NRXN3: variants seen among roughly 807,000 people sequenced by gnomAD.
The protein encoded by NRXN3 is neurexin 3.
In NRXN3, 32 loss-of-function variants were observed where a neutral mutation model predicts 137.6. The observed-to-expected ratio is 0.23, with a 90% CI of 0.18 to 0.31. NRXN3 has a LOEUF of 0.31. Among genes scored for constraint, NRXN3 ranks in the 10% least tolerant of loss-of-function variants. The pLI, the probability that NRXN3 is intolerant of heterozygous loss-of-function variation, is 1.00. For synonymous variants in NRXN3, 798 were observed against 784.5 expected (o/e 1.02, Z -0.29); for missense variants, 1,574 against 2,062.5 (o/e 0.76, Z 4.59).
At chr14:78,586,992 A>G (rs893914466) in intron 4 of NRXN3, among the ~76,000 whole-genome samples, 7 of 152,124 alleles carry the variant, frequency 4.6e-5, no homozygotes, top group African/African-American at 1.7e-4. Context: ...GGCCCGGGAC[A>G]TTTTCTCCCA....
intron 15 of NRXN3, among the ~76,000 whole-genome samples, chr14:79,050,868 G>A (rs372582268): frequency 1.4e-4 from 21 of 152,170 alleles, no homozygotes; most frequent in Admixed American, 2.0e-4. Flanking sequence ...CACTTCATTT[G>A]GGTATGGGAT....
At chr14:79,375,082 G>A (rs971798002) in intron 15 of NRXN3, among the ~76,000 whole-genome samples, 2 of 152,076 alleles carry the variant, frequency 1.3e-5, no homozygotes, top group African/African-American at 4.8e-5. Flanking sequence ...TTAAAAAATG[G>A]ATGTGAGCTC....
At chr14:78,818,151 A>G (rs538188736) in intron 10 of NRXN3, among the ~76,000 whole-genome samples, 74 of 151,886 alleles carry the variant, frequency 4.9e-4, no homozygotes, top group South Asian at 6.2e-4. Context: ...GTTTAGATAT[A>G]TAAAGTTAGT....
At chr14:79,188,466 A>G (rs1375427601) in intron 15 of NRXN3, among the ~76,000 whole-genome samples, 3 of 152,026 alleles carry the variant, frequency 2.0e-5, no homozygotes, top group Admixed American at 6.6e-5. Flanking sequence ...CAGTCTTTAT[A>G]GCAAGGTTTT....
chr14:79,062,233 G>A (rs1380028591), intron 15 of NRXN3, among the ~76,000 whole-genome samples: 1 of 152,034 alleles, frequency 6.6e-6, no homozygotes, highest in Non-Finnish European at 1.5e-5. Context: ...TGGTTCCTAC[G>A]GGACCCAGGC....
At chr14:79,439,235 AC>A (rs2095892648) in intron 15 of NRXN3, among the ~76,000 whole-genome samples, 1 of 152,260 alleles carries the variant, frequency 6.6e-6, no homozygotes, top group Admixed American at 6.5e-5. Flanking sequence ...CATTGTACTT[AC>A]AAGATAAACT....
intron 16 of NRXN3, among the ~76,000 whole-genome samples, chr14:79,480,118 G>A (rs994969335): frequency 6.6e-6 from 1 of 152,098 alleles, no homozygotes; most frequent in South Asian, 2.1e-4. Context: ...CAGCGACCAT[G>A]GCCTGTCATC....
chr14:78,574,490 C>G (rs1251022796), intron 4 of NRXN3, among the ~76,000 whole-genome samples: 1 of 152,236 alleles, frequency 6.6e-6, no homozygotes, highest in Non-Finnish European at 1.5e-5. Flanking sequence ...CCACCTCTTG[C>G]ATCAGCATGC....
chr14:79,482,063 C>T (rs552868213), intron 16 of NRXN3, among the ~76,000 whole-genome samples: 10 of 152,228 alleles, frequency 6.6e-5, no homozygotes, highest in Admixed American at 6.5e-4. Flanking sequence ...ATCTTGTGAC[C>T]TCCGGAATAA....
chr14:78,789,540 A>G (rs2098799157), intron 8 of NRXN3, among the ~76,000 whole-genome samples: 1 of 152,074 alleles, frequency 6.6e-6, no homozygotes, highest in African/African-American at 2.4e-5. Context: ...AAACTCTAAT[A>G]TACTCCAGCC....
chr14:78,259,118 C>T (rs111603819), intron 2 of NRXN3, among the ~76,000 whole-genome samples: 99 of 139,676 alleles, frequency 7.1e-4, no homozygotes, highest in African/African-American at 2.1e-3. Flanking sequence ...GGCGACAGTG[C>T]GAGACTCCAT....
chr14:79,166,098 T>C (rs2061259343), intron 15 of NRXN3, among the ~76,000 whole-genome samples: 1 of 152,034 alleles, frequency 6.6e-6, no homozygotes, highest in Non-Finnish European at 1.5e-5. Flanking sequence ...ACTCCCTTTT[T>C]AGAAATTATT....
Position 78,314,893 on chromosome 14 carries a change from C to CTCTTTCTTTCTTTCTT in NRXN3, c.757+17070_757+17085dup, listed in dbSNP as rs67628703. Among the ~76,000 whole-genome samples, 553 of 81,942 alleles carry CTCTTTCTTTCTTTCTT rather than the reference C, an allele frequency of 6.7e-3. 5 individuals carry two copies. Among genetic ancestry groups the CTCTTTCTTTCTTTCTT allele is most frequent in the Admixed American group, 0.012 (105 of 8,812 alleles). 53.8% of individuals were successfully genotyped at this position (81,942 alleles called of 152,430 possible). On this transcript the variant is annotated intron_variant, in intron 4 of 20. Coordinates refer to ENST00000335750, the MANE Select transcript of NRXN3 (RefSeq NM_001330195.2). ...TTTCTTTTCCGTTCTTTCTTTCTTT[C>CTCTTTCTTTCTTTCTT]TCTTTCTTTCTTTCTTTCTTTCTTT...
Position 79,046,436 on chromosome 14 carries a change from A to T in NRXN3, c.3262+58295A>T. ...TGTGGCTTAAAGATTATGGTCTTCA[A>T]GACTTGCTCCTGGACTGGAAATATT... is the stretch of plus-strand genomic sequence containing the variant. On this transcript the variant is annotated intron_variant, in intron 15 of 20. Transcript: ENST00000335750. 1.3e-5 allele frequency among the ~76,000 whole-genome samples: 2 copies of T among 152,212 alleles called. 1 individual carries two copies. Among genetic ancestry groups the T allele is most frequent in the Non-Finnish European group, 2.9e-5 (2 of 68,042 alleles).
intron 8 of NRXN3, among the ~76,000 whole-genome samples, chr14:78,783,933 C>T (rs2153035355): frequency 6.6e-6 from 1 of 151,998 alleles, no homozygotes; most frequent in Admixed American, 6.6e-5. Context: ...ATTTATCCAC[C>T]ATCTGTTTTA....
Position 79,140,573 on chromosome 14 carries a change from CTGTGTGTG to C in NRXN3, c.3262+152463_3262+152470del, listed in dbSNP as rs3035591. Among the ~76,000 whole-genome samples the C allele has an allele frequency of 2.3e-3, 335 of 143,928 alleles. 1 individual carries two copies. The highest frequency in any genetic ancestry group is 3.5e-3 in the Non-Finnish European group (231 of 65,826). The allele number at this position is 143,928 out of a possible 152,430, so 94.4% of individuals were successfully genotyped here. A position where few individuals can be genotyped will look rare whatever the true frequency, so the allele number is the denominator to read the frequency against. Reference sequence around the variant, plus strand: ...CAATTGTTATTATCACCCCACCTCACTGTGTGTGTGTGTGTGTGTGTGTGTGTGTGTGT... The same window carrying C: ...CAATTGTTATTATCACCCCACCTCACTGTGTGTGTGTGTGTGTGTGTGTGT... On this transcript the variant is annotated intron_variant, in intron 15 of 20. Transcript: ENST00000335750.
At chr14:79,116,640 A>G (rs2152905680) in intron 15 of NRXN3, among the ~76,000 whole-genome samples, 1 of 152,244 alleles carries the variant, frequency 6.6e-6, no homozygotes, top group Non-Finnish European at 1.5e-5. Context: ...ACTAATCCAT[A>G]CTTATTTACC....
intron 10 of NRXN3, among the ~76,000 whole-genome samples, chr14:78,874,049 G>A (rs2099107816): frequency 6.7e-6 from 1 of 149,826 alleles, no homozygotes; most frequent in African/African-American, 2.5e-5. Context: ...TCAGCTCACT[G>A]CAACCTCTGC....
chr14:79,741,870 C>G (rs1468575398), intron 19 of NRXN3, among the ~76,000 whole-genome samples: 1 of 151,780 alleles, frequency 6.6e-6, no homozygotes, highest in African/African-American at 2.4e-5. Context: ...GGTAAGTGTG[C>G]TTATATGTAT....
Sources: gnomAD v4.1 joint callset for allele counts (sites outside exome capture counted in the v4.1 genomes callset) on GRCh38, gnomAD v4.1.1 for gene constraint, MANE v1.5 for transcripts, NCBI Gene and HGNC (gene_info 2026-07-23, HGNC 2026-07-21) for gene names.